RUVBL2: variants seen among roughly 807,000 people sequenced by gnomAD.
The protein encoded by RUVBL2 is RuvB like AAA ATPase 2, also known as ruvB-like 2.
A neutral mutation model predicts 57.9 loss-of-function variants in RUVBL2; 9 were observed. The ratio of observed to expected loss-of-function variants is 0.16; its 90% confidence interval spans 0.09 to 0.27. The LOEUF is 0.27. Ranked by LOEUF, RUVBL2 falls within the 10% of genes least tolerant of loss-of-function variation. The pLI, the probability that RUVBL2 is intolerant of heterozygous loss-of-function variation, is 1.00. For missense variants in RUVBL2, 456 were observed against 669.6 expected (o/e 0.68, Z 3.52); for synonymous variants, 278 against 264.6 (o/e 1.05, Z -0.49).
intron 3 of RUVBL2, 100 bp from the exon 4 acceptor site, chr19:49,004,177 A>AG: frequency 7.1e-7 from 1 of 1,403,276 alleles, no homozygotes; most frequent in Non-Finnish European, 9.7e-7. Context: ...TAGAAGTCCC[A>AG]GCTAGTAATG....
At chr19:48,998,883 C>T (rs1286728317) in intron 1 of RUVBL2, among the ~76,000 whole-genome samples, 4 of 151,630 alleles carry the variant, frequency 2.6e-5, no homozygotes, top group African/African-American at 9.7e-5. Context: ...CAAAAATTAG[C>T]CGGGTGTGTT....
intron 8 of RUVBL2, 21 bp from the exon 9 acceptor site, chr19:49,010,467 T>TTCCC: frequency 7.1e-7 from 1 of 1,401,200 alleles, no homozygotes; most frequent in South Asian, 1.2e-5. Flanking sequence ...CCGCCGTTCT[T>TTCCC]CCCCCACCCC....
intron 8 of RUVBL2, 84 bp downstream of exon 8, chr19:49,010,150 C>G: frequency 1.7e-6 from 2 of 1,193,478 alleles, no homozygotes; most frequent in Non-Finnish European, 1.2e-6. Flanking sequence ...CCCATGGGGT[C>G]TGGATCTTCC....
At position 49,015,556 on chromosome 19, in the gene RUVBL2, C is replaced by T. The variant is rs780732220; in HGVS notation, c.1252-16C>T. 14 of 1,593,862 alleles carry T rather than the reference C, an allele frequency of 8.8e-6. No individual in the cohort carries two copies. The highest frequency in any genetic ancestry group is 8.3e-5 in the Admixed American group (5 of 59,968). On this transcript the variant is annotated splice_polypyrimidine_tract_variant and intron_variant, in intron 13 of 14. Transcript: ENST00000595090. ...ACGGAGAGGGGCCCAACTGAGGACT[C>T]GCCCTCCCCCTCCAGGGTACAGAAG... is the stretch of plus-strand genomic sequence containing the variant.
At chr19:49,005,965 G>A (rs867529893) in intron 4 of RUVBL2, among the ~76,000 whole-genome samples, 1 of 152,202 alleles carries the variant, frequency 6.6e-6, no homozygotes, top group African/African-American at 2.4e-5. Context: ...GACTGTGCCC[G>A]GCCTCGCCTT....
Position 49,010,489 on chromosome 19 carries a change from C to T in RUVBL2, c.665C>T (p.Thr222Ile). The change falls in exon 9 of 15, where the codon ACC (threonine) becomes ATC (isoleucine). Residue 222 changes from threonine (T) to isoleucine (I), a missense_variant and splice_region_variant. Thr to Ile is a moderately conservative substitution (Grantham distance 89). This residue lies in a region of RUVBL2 where 233 missense variants were observed against 306.0 expected (regional missense o/e 0.76). Coordinates refer to ENST00000595090, the MANE Select transcript of RUVBL2 (RefSeq NM_006666.3). ...TCTTCCCCCACCCCCGCCCCATAGA[C>T]CAAGTTCGTGCAGTGCCCAGATGGG... Reference protein sequence around the residue: ...ARDYDAMGSQTKFVQCPDGEL... With the variant: ...ARDYDAMGSQIKFVQCPDGEL... The T allele has an allele frequency of 4.7e-6, 7 of 1,474,404 alleles. No homozygotes were observed. Among genetic ancestry groups the T allele is most frequent in the Non-Finnish European group, 4.7e-6 (5 of 1,057,838 alleles). 91.3% of individuals were successfully genotyped at this position (1,474,404 alleles called of 1,614,324 possible).
intron 3 of RUVBL2, among the ~76,000 whole-genome samples, chr19:49,003,914 A>T (rs1896902545): frequency 6.6e-6 from 1 of 152,040 alleles, no homozygotes; most frequent in Admixed American, 6.6e-5. Flanking sequence ...TAAGAGCTTG[A>T]GGCCAGCCTG....
In RUVBL2 at chr19:49,015,799, C is replaced by T. The variant is rs1403649217; in HGVS notation, c.1367-18C>T. The T allele has an allele frequency of 6.2e-7, 1 of 1,613,910 alleles. No individual in the cohort carries two copies. Among genetic ancestry groups the T allele is most frequent in the East Asian group, 2.2e-5 (1 of 44,886 alleles). On this transcript the variant is annotated intron_variant, in intron 14 of 14. Coordinates refer to ENST00000595090, the MANE Select transcript of RUVBL2 (RefSeq NM_006666.3). ...CACCTGGGCGACACTGACCATGTGG[C>T]CTTCCTTCTCCCCACAGAAGGCGAG...
At chr19:49,009,754 C>G (rs1165610531) in intron 6 of RUVBL2, 22 bp from the exon 7 acceptor site, 1 of 1,606,262 alleles carries the variant, frequency 6.2e-7, no homozygotes, top group African/African-American at 1.3e-5. Context: ...GAGCCCCATC[C>G]CTGGCTTGTC....
chr19:49,010,513 G>A lies in RUVBL2; in HGVS notation c.689G>A (p.Gly230Glu). The A allele has an allele frequency of 1.9e-6, 3 of 1,563,002 alleles. No individual in the cohort carries two copies. Among genetic ancestry groups the A allele is most frequent in the South Asian group, 2.2e-5 (2 of 90,106 alleles). ...ACCAAGTTCGTGCAGTGCCCAGATG[G>A]GGAGCTCCAGAAACGCAAGGAGGTG... is the stretch of plus-strand genomic sequence containing the variant. ...SQTKFVQCPDGELQKRKEVVH... is the reference protein window; with the variant it reads ...SQTKFVQCPDEELQKRKEVVH... Residue 230 changes from glycine (G) to glutamate (E), a missense_variant, in exon 9 of 15, where the codon GGG becomes GAG. Physicochemically the swap from Gly to Glu is moderately conservative, Grantham distance 98 (BLOSUM62 -2). Around this residue, in one of 5 missense-constraint regions of RUVBL2, gnomAD observed 233 missense variants for 306.0 expected, o/e 0.76. Transcript: ENST00000595090.
At chr19:49,008,430 C>T (rs968860880) in intron 6 of RUVBL2, among the ~76,000 whole-genome samples, 5 of 149,608 alleles carry the variant, frequency 3.3e-5, no homozygotes, top group East Asian at 2.0e-4. Context: ...TTAGTAGAGA[C>T]GGGGTTTCAC....
In RUVBL2 at chr19:49,011,118, G is replaced by C; in HGVS notation, c.882+25G>C. On this transcript the variant is annotated intron_variant, in intron 10 of 14. Coordinates refer to ENST00000595090, the MANE Select transcript of RUVBL2 (RefSeq NM_006666.3). The surrounding 1 kb of genome is among the most constrained non-coding windows in gnomAD (Gnocchi z 4.4). ...AGTGAGGACCCAGGACATGGCCGGGGCGGGTGGTGGGGTGGAGGTGGGCCG... is the reference window on the plus strand; with the variant it reads ...AGTGAGGACCCAGGACATGGCCGGGCCGGGTGGTGGGGTGGAGGTGGGCCG... 6.2e-7 allele frequency: 1 copy of C among 1,609,088 alleles called. No individual in the cohort carries two copies. The highest frequency in any genetic ancestry group is 8.5e-7 in the Non-Finnish European group (1 of 1,177,778).
At chr19:49,007,760 A>G (rs1455194692) in intron 6 of RUVBL2, among the ~76,000 whole-genome samples, 1 of 151,866 alleles carries the variant, frequency 6.6e-6, no homozygotes, top group East Asian at 1.9e-4. Flanking sequence ...ACTGGAATGC[A>G]GTGGTGCAAT....
Position 49,011,057 on chromosome 19 carries a change from G to A in RUVBL2, c.846G>A (p.Glu282=), listed in dbSNP as rs1332759692. Residue 282 remains glutamate (E), a synonymous_variant, in exon 10 of 15, where the codon GAG becomes GAA. Transcript: ENST00000595090. The surrounding 1 kb of genome is among the most constrained non-coding windows in gnomAD (Gnocchi z 4.4). ...VREQINAKVA[E]WREEGKAEII... ...AGCAGATCAATGCCAAGGTGGCTGAGTGGCGCGAGGAGGGCAAGGCGGAGA... is the reference window on the plus strand; with the variant it reads ...AGCAGATCAATGCCAAGGTGGCTGAATGGCGCGAGGAGGGCAAGGCGGAGA... 3 of 1,613,462 alleles carry A rather than the reference G, an allele frequency of 1.9e-6. No individual in the cohort carries two copies.
At chr19:49,006,934 G>T in intron 4 of RUVBL2, 84 bp from the exon 5 acceptor site, 1 of 1,553,182 alleles carries the variant, frequency 6.4e-7, no homozygotes, top group Non-Finnish European at 8.7e-7. Flanking sequence ...TCCTGGGGTG[G>T]GAGAAAAGCT....
At chr19:48,994,913 T>G (rs1238374322) in intron 1 of RUVBL2, 2 of 151,716 alleles carry the variant, frequency 1.3e-5, no homozygotes, top group Non-Finnish European at 2.9e-5. Context: ...AAAGCGAGAC[T>G]CTGTCTCCAA....
At chr19:49,013,211 C>T (rs1169903501) in intron 11 of RUVBL2, among the ~76,000 whole-genome samples, 1 of 152,040 alleles carries the variant, frequency 6.6e-6, no homozygotes, top group African/African-American at 2.4e-5. Flanking sequence ...ATCTGCCCAC[C>T]TCAGCCTCCC....
At chr19:48,995,485 G>A (rs754280300) in intron 1 of RUVBL2, among the ~76,000 whole-genome samples, 6 of 151,506 alleles carry the variant, frequency 4.0e-5, no homozygotes, top group Non-Finnish European at 8.8e-5. Flanking sequence ...AAGTCTAAAC[G>A]ATTGGCTCCA....
chr19:49,010,073 C>G lies in RUVBL2; in HGVS notation c.663+7C>G, dbSNP rs2039379304. On this transcript the variant is annotated splice_region_variant and intron_variant, in intron 8 of 14. Transcript: ENST00000595090. ...CGACGCTATGGGCTCCCAGGTGCGG[C>G]CGGGACTCCCGGGATCCCCTCGCCC... The G allele has an allele frequency of 6.2e-7, 1 of 1,604,486 alleles. No homozygotes were observed. The highest frequency in any genetic ancestry group is 1.7e-5 in the Admixed American group (1 of 58,680).
Sources: gnomAD v4.1 joint callset for allele counts (sites outside exome capture counted in the v4.1 genomes callset) on GRCh38, gnomAD v4.1.1 for gene constraint, gnomAD v4.1.1 regional missense constraint, Gnocchi (gnomAD v3.1) non-coding constraint, MANE v1.5 for transcripts, NCBI Gene and HGNC (gene_info 2026-07-23, HGNC 2026-07-21) for gene names.